NOD1: variants seen among roughly 807,000 people sequenced by gnomAD.
NOD1 encodes the protein nucleotide binding oligomerization domain containing 1.
A neutral mutation model predicts 81.2 loss-of-function variants in NOD1; 70 were observed. The observed-to-expected ratio is 0.86, with a 90% CI of 0.71 to 1.05. The LOEUF (loss-of-function observed/expected upper bound fraction) is 1.05, where lower values mean the gene tolerates loss of function less well. Ranked by LOEUF, NOD1 falls within the 50% of genes least tolerant of loss-of-function variation. The pLI is 0.00. For synonymous variants in NOD1, 508 were observed against 526.9 expected (o/e 0.96, Z 0.49); for missense variants, 1,233 against 1,228.0 (o/e 1.00, Z -0.06).
intron 4 of NOD1, 45 bp from the exon 5 acceptor site, chr7:30,455,356 ATCC>A: frequency 6.5e-7 from 1 of 1,541,002 alleles, no homozygotes; most frequent in Non-Finnish European, 8.9e-7. Flanking sequence ...CATGAGGGGC[ATCC>A]TCCTACCATA....
At chr7:30,435,937 G>A (rs778053606) in intron 11 of NOD1, 61 bp downstream of exon 11, 58 of 1,404,616 alleles carry the variant, frequency 4.1e-5, no homozygotes, top group Admixed American at 8.5e-5. Context: ...AAGCCTGGAC[G>A]ACAAAGCAAG....
intron 1 of NOD1, among the ~76,000 whole-genome samples, chr7:30,461,869 G>T (rs1787121413): frequency 6.6e-6 from 1 of 152,190 alleles, no homozygotes; most frequent in South Asian, 2.1e-4. Flanking sequence ...CTCCCAAGTA[G>T]CTGGGACTAC....
intron 11 of NOD1, among the ~76,000 whole-genome samples, chr7:30,435,028 T>G (rs1017696388): frequency 6.6e-6 from 1 of 152,072 alleles, no homozygotes; most frequent in Non-Finnish European, 1.5e-5. Flanking sequence ...ACCTCAGCCT[T>G]CCAAAGTACT....
chr7:30,440,871 C>G (rs1222824113), intron 9 of NOD1, among the ~76,000 whole-genome samples: 2 of 25,598 alleles, frequency 7.8e-5, no homozygotes, highest in East Asian at 1.9e-3. Flanking sequence ...TTCGGGTTAC[C>G]CTCAAAGGAA....
chr7:30,450,716 A>G (rs1785600751), intron 6 of NOD1, among the ~76,000 whole-genome samples: 1 of 152,156 alleles, frequency 6.6e-6, no homozygotes, highest in Non-Finnish European at 1.5e-5. Context: ...GGAGCCTTAC[A>G]TTAATCTTAA....
chr7:30,460,626 T>C, intron 1 of NOD1: 1 of 984,412 alleles, frequency 1.0e-6, no homozygotes, highest in Non-Finnish European at 1.2e-6. Flanking sequence ...AGTGGAAAAA[T>C]GAAGCAGAGG....
intron 1 of NOD1, among the ~76,000 whole-genome samples, chr7:30,476,806 A>G (rs1429295705): frequency 6.6e-6 from 1 of 152,228 alleles, no homozygotes; most frequent in Non-Finnish European, 1.5e-5. Context: ...TTCAGACTTA[A>G]AGCCCGCTAA....
chr7:30,447,045 T>C lies in NOD1; in HGVS notation c.2291A>G (p.Tyr764Cys). The C allele has an allele frequency of 6.2e-7, 1 of 1,614,080 alleles. No individual in the cohort carries two copies. Among genetic ancestry groups the C allele is most frequent in the Non-Finnish European group, 8.5e-7 (1 of 1,179,924 alleles). The change falls in exon 8 of 14, where the codon TAC becomes TGC. Residue 764 changes from tyrosine to cysteine, a missense_variant. Transcript: ENST00000222823. ...TCCGACATCGGTGATCTGGTTGTTG[T>C]ATAAACTTCAAGAGAAAGCACAGCC... ...KYKIVTYLGL[Y>C]NNQITDVGAR...
intron 1 of NOD1, among the ~76,000 whole-genome samples, chr7:30,474,879 T>A (rs997783671): frequency 6.6e-6 from 1 of 152,248 alleles, no homozygotes; most frequent in Non-Finnish European, 1.5e-5. Context: ...TCAACACGCC[T>A]GTTTTCATAT....
rs764718195 is a variant in NOD1, at chr7:30,451,612, TTC to T, written c.1803_1804del (p.Lys602ThrfsTer140). On this transcript the variant is annotated frameshift_variant, in exon 6 of 14. Transcript: ENST00000222823. LOFTEE classifies it high-confidence loss of function. The surrounding 1 kb of genome is among the most constrained non-coding windows in gnomAD (Gnocchi z 4.2). Reference sequence around the variant, plus strand: ...CGCGGGCACCAGATGCCGCAGGAGTTTCTGTTTGGCTTTGGACAACAGCCCGC... The same window carrying T: ...CGCGGGCACCAGATGCCGCAGGAGTTTGTTTGGCTTTGGACAACAGCCCGC... 3.7e-6 allele frequency: 6 copies of T among 1,613,906 alleles called. No homozygotes were observed. The highest frequency in any genetic ancestry group is 5.1e-6 in the Non-Finnish European group (6 of 1,180,014).
intron 7 of NOD1, chr7:30,447,980 C>T (rs1785285250): frequency 3.4e-6 from 1 of 290,766 alleles, no homozygotes; most frequent in Non-Finnish European, 6.5e-6. Context: ...CAAAATAGTC[C>T]AGACTAATAT....
At position 30,460,395 on chromosome 7, in the gene NOD1, T is replaced by C. The variant is rs150793011; in HGVS notation, c.-351-354A>G. On this transcript the variant is annotated intron_variant, in intron 1 of 13. Coordinates refer to ENST00000222823, the MANE Select transcript of NOD1 (RefSeq NM_006092.4). The stretch of plus-strand genomic sequence containing the variant: ...AGTTGATGAAGACGGTCTGGTCCTC[T>C]CTTCCAGGCAAAGAGAGGACGGAGA... 2.4e-3 allele frequency: 2,340 copies of C among 985,314 alleles called. 17 individuals are homozygous for C. The highest frequency in any genetic ancestry group is 2.0e-3 in the Non-Finnish European group (1,686 of 829,922). 61.0% of individuals were successfully genotyped at this position (985,314 alleles called of 1,614,324 possible).
At chr7:30,445,278 T>TAAAAAAAAAAAAAAAAAAAAAAAAAAA (rs55875433) in intron 9 of NOD1, among the ~76,000 whole-genome samples, 4 of 69,176 alleles carry the variant, frequency 5.8e-5, no homozygotes, top group Non-Finnish European at 7.6e-5. Context: ...AAAAAGAATC[T>TAAAAAAAAAAAAAAAAAAAAAAAAAAA]AAAAAAAAAA....
chr7:30,473,640 G>A (rs1026567180), intron 1 of NOD1, among the ~76,000 whole-genome samples: 1 of 152,176 alleles, frequency 6.6e-6, no homozygotes, highest in Non-Finnish European at 1.5e-5. Context: ...GGAGGAGTGA[G>A]CTGCCACTTT....
intron 1 of NOD1, among the ~76,000 whole-genome samples, chr7:30,461,769 C>T (rs1418655654): frequency 2.0e-5 from 3 of 152,098 alleles, no homozygotes; most frequent in Non-Finnish European, 2.9e-5. Context: ...GACGGAGTCT[C>T]GCTCTGTCAC....
chr7:30,463,255 A>T (rs1787340312), intron 1 of NOD1, among the ~76,000 whole-genome samples: 1 of 152,220 alleles, frequency 6.6e-6, no homozygotes, highest in African/African-American at 2.4e-5. Flanking sequence ...ATGAAATTAC[A>T]CTTCCATGAA....
intron 1 of NOD1, among the ~76,000 whole-genome samples, chr7:30,461,291 C>A (rs1319909138): frequency 1.3e-5 from 2 of 152,124 alleles, no homozygotes; most frequent in African/African-American, 4.8e-5. Flanking sequence ...AATTCTCCTG[C>A]CTCCGCCTCC....
At chr7:30,464,229 C>T (rs1787452147) in intron 1 of NOD1, among the ~76,000 whole-genome samples, 1 of 152,214 alleles carries the variant, frequency 6.6e-6, no homozygotes, top group African/African-American at 2.4e-5. Flanking sequence ...CCGGCCATGC[C>T]TGCCTGAACT....
intron 11 of NOD1, 111 bp from the exon 12 acceptor site, chr7:30,433,290 C>A (rs1784103431): frequency 3.8e-6 from 3 of 783,336 alleles, no homozygotes. Context: ...TGCAGATGAT[C>A]ACTTGCTGAG....
Sources: gnomAD v4.1 joint callset for allele counts (sites outside exome capture counted in the v4.1 genomes callset) on GRCh38, gnomAD v4.1.1 for gene constraint, Gnocchi (gnomAD v3.1) non-coding constraint, MANE v1.5 for transcripts, NCBI Gene and HGNC (gene_info 2026-07-23, HGNC 2026-07-21) for gene names.